The following FANCB variants were observed in gnomAD, a reference collection of about 807,000 sequenced individuals.
FANCB encodes the protein FA complementation group B, also known as Fanconi anemia group B protein.
Under a neutral mutation model 38.9 loss-of-function variants are expected in FANCB, and 5 were observed. The observed-to-expected ratio is 0.13, with a 90% CI of 0.07 to 0.27. The LOEUF (loss-of-function observed/expected upper bound fraction) is 0.27, where lower values mean the gene tolerates loss of function less well. Among genes scored for constraint, FANCB ranks in the 10% least tolerant of loss-of-function variants. The probability of loss-of-function intolerance (pLI) is 1.00; values close to 1 mark genes in which losing one functional copy is unlikely to be tolerated. For missense variants in FANCB, 573 were observed against 602.7 expected, an observed-to-expected ratio of 0.95 and a Z score of 0.52; for synonymous variants, 236 against 215.4, an observed-to-expected ratio of 1.10 and a Z score of -0.84.
the FANCB span, among the ~76,000 whole-genome samples, chrX:14,693,182 A>G: frequency 2.7e-5 from 3 of 111,709 alleles, no homozygotes; most frequent in Non-Finnish European, 3.8e-5. Flanking sequence ...AAAGACAAAC[A>G]TTTTCAGATG....
chrX:14,867,680 T>A (rs2092475937), intron 2 of FANCB, among the ~76,000 whole-genome samples: 1 of 102,042 alleles, frequency 9.8e-6, no homozygotes, highest in Admixed American at 1.1e-4. Flanking sequence ...AGGATTTTTT[T>A]AAATAAGATC....
chrX:14,843,816 T>C lies in FANCB; in HGVS notation c.2331A>G (p.Ile777Met), dbSNP rs1326031344. 5 of 1,210,706 alleles carry C rather than the reference T, an allele frequency of 4.1e-6. No homozygotes were observed. The highest frequency in any genetic ancestry group is 5.6e-6 in the Non-Finnish European group (5 of 894,687). The change falls in exon 10 of 10, where the codon ATA becomes ATG. Residue 777 changes from isoleucine to methionine, a missense_variant. By Grantham distance (10) the Ile-to-Met change is conservative (BLOSUM62 1). Coordinates refer to ENST00000650831, the MANE Select transcript of FANCB (RefSeq NM_001018113.3). ...GCATAAAATTGCTTTCATGTTTAGC[T>C]ATGGCAGAAGAAAGAGAACTAAGGG... ...LVTLSSLSSA[I>M]AKHESNFMQR...
chrX:14,843,422 T>C lies in FANCB; in HGVS notation c.*145A>G, dbSNP rs2092361097. ...GGCCCTAGTTGAGAACCACTGCTGT[T>C]TATTTTGTGCATCATCAAAACTAAA... On this transcript the variant is annotated 3_prime_UTR_variant, in exon 10 of 10. Transcript: ENST00000650831. 2.3e-6 allele frequency: 1 copy of C among 442,408 alleles called. No individual in the cohort carries two copies. The highest frequency in any genetic ancestry group is 3.8e-6 in the Non-Finnish European group (1 of 261,402). 36.5% of individuals were successfully genotyped at this position (442,408 alleles called of 1,213,427 possible).
the FANCB span, among the ~76,000 whole-genome samples, chrX:14,714,795 A>T: frequency 2.7e-5 from 3 of 112,488 alleles, no homozygotes; most frequent in Non-Finnish European, 5.6e-5. Context: ...GTTTTAAGAG[A>T]TTTATGAAGA....
At chrX:14,711,704 T>A in the FANCB span, among the ~76,000 whole-genome samples, 1 of 112,165 alleles carries the variant, frequency 8.9e-6, no homozygotes, top group African/African-American at 3.2e-5. Flanking sequence ...GGAGATATCA[T>A]CTCTATTTTA....
the FANCB span, among the ~76,000 whole-genome samples, chrX:14,766,631 A>G: frequency 9.0e-6 from 1 of 110,738 alleles, no homozygotes; most frequent in Non-Finnish European, 1.9e-5. Flanking sequence ...GTATAAAACT[A>G]CCTGGATATA....
chrX:14,807,479 T>G, the FANCB span, among the ~76,000 whole-genome samples: 1 of 112,508 alleles, frequency 8.9e-6, no homozygotes, highest in Non-Finnish European at 1.9e-5. Flanking sequence ...TTAATTTTGA[T>G]GTATTACGAT....
At chrX:14,727,082 G>A in the FANCB span, among the ~76,000 whole-genome samples, 1 of 111,723 alleles carries the variant, frequency 9.0e-6, no homozygotes, top group Non-Finnish European at 1.9e-5. Context: ...ATATAGAATA[G>A]GTTGTACATT....
the FANCB span, among the ~76,000 whole-genome samples, chrX:14,735,579 A>G: frequency 8.9e-6 from 1 of 112,045 alleles, no homozygotes; most frequent in South Asian, 3.7e-4. Flanking sequence ...AGAACAGCAA[A>G]GACTGCTGCC....
At chrX:14,740,958 A>ACG in the FANCB span, among the ~76,000 whole-genome samples, 3 of 110,196 alleles carry the variant, frequency 2.7e-5, no homozygotes, top group African/African-American at 9.9e-5. Flanking sequence ...ACACAAACAC[A>ACG]TGCACACACA....
At chrX:14,864,438 T>C in intron 3 of FANCB, 122 bp downstream of exon 3, 1 of 519,991 alleles carries the variant, frequency 1.9e-6, no homozygotes, top group Non-Finnish European at 3.4e-6. Context: ...TATTTATCAT[T>C]TCATGTACAG....
chrX:14,762,533 G>A, the FANCB span, among the ~76,000 whole-genome samples: 4 of 111,368 alleles, frequency 3.6e-5, no homozygotes, highest in Admixed American at 9.6e-5. Context: ...TGTGGCCCTC[G>A]TGCTTCTCCT....
At chrX:14,801,264 T>C in the FANCB span, among the ~76,000 whole-genome samples, 49 of 111,956 alleles carry the variant, frequency 4.4e-4, no homozygotes, top group Non-Finnish European at 8.5e-4. Flanking sequence ...TTTGGCTACA[T>C]TGCACTCTTC....
chrX:14,844,416 A>G, intron 9 of FANCB, 87 bp downstream of exon 9: 2 of 673,256 alleles, frequency 3.0e-6, no homozygotes, highest in Non-Finnish European at 4.9e-6. Flanking sequence ...ATAATACAAA[A>G]CACATGCGGA....
At chrX:14,727,316 C>A in the FANCB span, among the ~76,000 whole-genome samples, 1 of 112,032 alleles carries the variant, frequency 8.9e-6, no homozygotes, top group Admixed American at 9.5e-5. Flanking sequence ...GGCATGAGGT[C>A]CCTGAGGCTT....
At chrX:14,869,065 C>T (rs1279424632) in intron 1 of FANCB, 22 bp from the exon 2 acceptor site, 1 of 111,254 alleles carries the variant, frequency 9.0e-6, no homozygotes, top group South Asian at 3.7e-4. Flanking sequence ...AGAAAATAAA[C>T]ATATTAGTTA....
chrX:14,728,669 G>A, the FANCB span, among the ~76,000 whole-genome samples: 2 of 112,026 alleles, frequency 1.8e-5, no homozygotes, highest in Non-Finnish European at 3.8e-5. Context: ...ATCACAATGG[G>A]CAATGTCGAT....
the FANCB span, among the ~76,000 whole-genome samples, chrX:14,828,600 A>G: frequency 8.9e-6 from 1 of 111,988 alleles, no homozygotes; most frequent in African/African-American, 3.2e-5. Flanking sequence ...TTCTAGTGCT[A>G]GTTCTTTTGC....
the FANCB span, among the ~76,000 whole-genome samples, chrX:14,762,263 G>A: frequency 1.1e-4 from 12 of 111,088 alleles, no homozygotes; most frequent in Non-Finnish European, 2.3e-4. Context: ...ATCCATGAGG[G>A]TGCTGCCCTT....
Sources: allele counts gnomAD v4.1 joint callset (sites outside exome capture counted in the v4.1 genomes callset), GRCh38; gene constraint gnomAD v4.1.1; transcripts MANE v1.5; gene names NCBI Gene and HGNC (gene_info 2026-07-23, HGNC 2026-07-21).